NEGR1: variants seen among roughly 807,000 people sequenced by gnomAD.
NEGR1 encodes IgLON family member 4.
Under a neutral mutation model 40.9 loss-of-function variants are expected in NEGR1, and 10 were observed. The ratio of observed to expected loss-of-function variants is 0.24; its 90% CI spans 0.15 to 0.42. The LOEUF (loss-of-function observed/expected upper bound fraction) is 0.42, where lower values mean the gene tolerates loss of function less well. Among genes scored for constraint, NEGR1 ranks in the 10% least tolerant of loss-of-function variants. NEGR1 has a pLI of 1.00. For synonymous variants in NEGR1, 185 were observed against 166.8 expected (o/e 1.11, Z -0.84); for missense variants, 352 against 438.9 (o/e 0.80, Z 1.77).
chr1:72,199,962 A>G (rs1653145150), intron 1 of NEGR1, among the ~76,000 whole-genome samples: 1 of 152,038 alleles, frequency 6.6e-6, no homozygotes, highest in Non-Finnish European at 1.5e-5. Context: ...GTGCAAATCA[A>G]AACCACAATG....
intron 6 of NEGR1, chr1:71,477,292 T>C (rs921449170): frequency 2.0e-5 from 3 of 152,162 alleles, no homozygotes; most frequent in African/African-American, 4.8e-5. Context: ...TCCACCTTTA[T>C]GGCAGAAACT....
intron 2 of NEGR1, among the ~76,000 whole-genome samples, chr1:71,826,400 C>G (rs1312585977): frequency 6.6e-6 from 1 of 151,938 alleles, no homozygotes; most frequent in Non-Finnish European, 1.5e-5. Flanking sequence ...AATCTTCTCT[C>G]TCTCTTTTAA....
chr1:71,937,758 A>G (rs1645920629), intron 1 of NEGR1, among the ~76,000 whole-genome samples: 1 of 152,294 alleles, frequency 6.6e-6, no homozygotes, highest in African/African-American at 2.4e-5. Flanking sequence ...AATGTGACCA[A>G]CTGCTTAACC....
intron 1 of NEGR1, among the ~76,000 whole-genome samples, chr1:72,026,574 A>T (rs1052153404): frequency 2.0e-5 from 3 of 152,062 alleles, no homozygotes; most frequent in Non-Finnish European, 2.9e-5. Flanking sequence ...ATTCCTTCTA[A>T]TTCCTTATCT....
At chr1:71,928,323 CGTATATAT>C (rs1645811712) in intron 2 of NEGR1, among the ~76,000 whole-genome samples, 3 of 35,840 alleles carry the variant, frequency 8.4e-5, no homozygotes, top group East Asian at 1.8e-3. Context: ...TATGTATATA[CGTATATAT>C]GTATATATAC....
intron 1 of NEGR1, among the ~76,000 whole-genome samples, chr1:72,017,609 A>G (rs1430883453): frequency 6.6e-6 from 1 of 152,150 alleles, no homozygotes; most frequent in Non-Finnish European, 1.5e-5. Context: ...ATTATACTGC[A>G]GAATCAGAGC....
At chr1:71,622,512 C>A (rs1257336717) in intron 4 of NEGR1, among the ~76,000 whole-genome samples, 8 of 151,738 alleles carry the variant, frequency 5.3e-5, no homozygotes, top group African/African-American at 1.9e-4. Flanking sequence ...CTCTTTAGAT[C>A]CCTGTAAAAC....
chr1:72,264,607 TTTG>T (rs1242457115), intron 1 of NEGR1, among the ~76,000 whole-genome samples: 1 of 150,800 alleles, frequency 6.6e-6, no homozygotes, highest in Non-Finnish European at 1.5e-5. Flanking sequence ...TCTTCTATTA[TTTG>T]TTATCCAAAT....
chr1:72,193,449 T>G (rs1041914112), intron 1 of NEGR1, among the ~76,000 whole-genome samples: 6 of 151,676 alleles, frequency 4.0e-5, no homozygotes, highest in African/African-American at 1.4e-4. Context: ...ATCTGCCAAA[T>G]TTGTGGTCGT....
At chr1:71,513,358 A>G (rs1279646342) in intron 6 of NEGR1, among the ~76,000 whole-genome samples, 1 of 152,148 alleles carries the variant, frequency 6.6e-6, no homozygotes, top group African/African-American at 2.4e-5. Context: ...ATCTGCCATT[A>G]TTTAGGGTCT....
intron 3 of NEGR1, among the ~76,000 whole-genome samples, chr1:71,756,407 C>CAAAAA (rs869043335): frequency 4.4e-5 from 2 of 45,746 alleles, no homozygotes; most frequent in Non-Finnish European, 8.6e-5. Flanking sequence ...AAAACAAAAA[C>CAAAAA]AAACAAAAAA....
intron 2 of NEGR1, among the ~76,000 whole-genome samples, chr1:71,837,292 C>A (rs1030214619): frequency 1.3e-5 from 2 of 152,080 alleles, no homozygotes; most frequent in African/African-American, 2.4e-5. Flanking sequence ...ATCCTCGTTC[C>A]TAACAACTCT....
chr1:72,239,422 T>C (rs557502525), intron 1 of NEGR1, among the ~76,000 whole-genome samples: 2 of 151,852 alleles, frequency 1.3e-5, no homozygotes, highest in Non-Finnish European at 2.9e-5. Flanking sequence ...CTTGTTTTGT[T>C]TGAATACATA....
At chr1:72,230,443 G>C (rs186416151) in intron 1 of NEGR1, among the ~76,000 whole-genome samples, 2 of 152,130 alleles carry the variant, frequency 1.3e-5, no homozygotes, top group East Asian at 3.9e-4. Context: ...ACCTGGACAG[G>C]TTTCAAATTC....
At chr1:71,681,229 A>T (rs1557610757) in intron 4 of NEGR1, among the ~76,000 whole-genome samples, 1 of 152,258 alleles carries the variant, frequency 6.6e-6, no homozygotes, top group Non-Finnish European at 1.5e-5. Flanking sequence ...GGGTAAAAAA[A>T]TACAAGTTTC....
chr1:71,886,093 G>A lies in NEGR1; in HGVS notation c.409+48986C>T, dbSNP rs559205623. Among the ~76,000 whole-genome samples the A allele has an allele frequency of 2.6e-5, 4 of 152,214 alleles. No homozygotes were observed. In the South Asian group the frequency reaches 6.2e-4, roughly 24 times the overall value. ...AACCATTAATAGTCCTTATGACAAGGCTGAACGCTAATATTTGCAAGCTTT... is the reference window on the plus strand; with the variant it reads ...AACCATTAATAGTCCTTATGACAAGACTGAACGCTAATATTTGCAAGCTTT... On this transcript the variant is annotated intron_variant, in intron 2 of 6. Transcript: ENST00000357731.
At chr1:72,169,167 T>A (rs767174646) in intron 1 of NEGR1, among the ~76,000 whole-genome samples, 2 of 152,162 alleles carry the variant, frequency 1.3e-5, no homozygotes, top group Non-Finnish European at 1.5e-5. Context: ...CAGATATCCA[T>A]ACATATTCAA....
At position 71,399,135 on chromosome 1, in the gene NEGR1, G is replaced by A. The variant is rs970758896; in HGVS notation, c.*8311C>T. On this transcript the variant is annotated 3_prime_UTR_variant, in exon 7 of 7. Coordinates refer to ENST00000357731, the MANE Select transcript of NEGR1 (RefSeq NM_173808.3). ...ATTACCTGATGAAAGATATCTAATT[G>A]TCTATTATAAAACCATAAAAGCTTT... 6.6e-6 allele frequency: 1 copy of A among 151,964 alleles called. No individual in the cohort carries two copies. Among genetic ancestry groups the A allele is most frequent in the Non-Finnish European group, 1.5e-5 (1 of 68,014 alleles). 9.4% of individuals were successfully genotyped at this position (151,964 alleles called of 1,614,324 possible).
chr1:71,733,231 T>A (rs910552265), intron 3 of NEGR1, among the ~76,000 whole-genome samples: 1 of 152,154 alleles, frequency 6.6e-6, no homozygotes, highest in South Asian at 2.1e-4. Flanking sequence ...ATCTGATATA[T>A]CTGCTGCTCT....
Sources: gnomAD v4.1 joint callset for allele counts (sites outside exome capture counted in the v4.1 genomes callset) on GRCh38, gnomAD v4.1.1 for gene constraint, MANE v1.5 for transcripts, NCBI Gene and HGNC (gene_info 2026-07-23, HGNC 2026-07-21) for gene names.